Variants in LAMA1 observed in about 807,000 individuals in gnomAD.
LAMA1 encodes laminin subunit alpha 1.
In LAMA1, 219 loss-of-function variants were observed where a neutral mutation model predicts 348.7. The observed-to-expected ratio is 0.63, with a 90% CI of 0.56 to 0.70. The LOEUF (loss-of-function observed/expected upper bound fraction) is 0.70, where lower values mean the gene tolerates loss of function less well. Among genes scored for constraint, LAMA1 ranks in the 30% least tolerant of loss-of-function variants. LAMA1 has a pLI of 0.00. For synonymous variants in LAMA1, 1,487 were observed against 1,491.0 expected (o/e 1.00, Z 0.06); for missense variants, 3,744 against 3,888.0 (o/e 0.96, Z 0.99).
At chr18:6,945,911 C>T (rs1438765607) in intron 61 of LAMA1, among the ~76,000 whole-genome samples, 3 of 152,020 alleles carry the variant, frequency 2.0e-5, no homozygotes, top group African/African-American at 4.8e-5. Flanking sequence ...AAAGGGCCAT[C>T]GAGACTCCCT....
chr18:6,996,183 T>G (rs771444542), intron 33 of LAMA1, among the ~76,000 whole-genome samples: 1 of 152,150 alleles, frequency 6.6e-6, no homozygotes, highest in East Asian at 1.9e-4. Flanking sequence ...TTTGTGACGT[T>G]TGAGGAAAGT....
intron 12 of LAMA1, among the ~76,000 whole-genome samples, chr18:7,036,812 C>T (rs1196846475): frequency 6.6e-6 from 1 of 152,024 alleles, no homozygotes; most frequent in Non-Finnish European, 1.5e-5. Context: ...GCGTACCAAG[C>T]TACAAGACTA....
At chr18:7,108,990 T>C (rs2058325317) in intron 1 of LAMA1, among the ~76,000 whole-genome samples, 1 of 152,158 alleles carries the variant, frequency 6.6e-6, no homozygotes, top group Admixed American at 6.5e-5. Flanking sequence ...AAACAACTAT[T>C]TGAACCAGAA....
chr18:7,107,404 C>T (rs2058316694), intron 1 of LAMA1, among the ~76,000 whole-genome samples: 1 of 152,082 alleles, frequency 6.6e-6, no homozygotes, highest in Admixed American at 6.5e-5. Flanking sequence ...AGGCGTGAGC[C>T]ACCGCCCCCA....
At chr18:7,015,030 A>G (rs890180214) in intron 22 of LAMA1, among the ~76,000 whole-genome samples, 1 of 151,810 alleles carries the variant, frequency 6.6e-6, no homozygotes, top group Non-Finnish European at 1.5e-5. Context: ...TTGTATTTTT[A>G]GTAGAGACGG....
Position 7,013,963 on chromosome 18 carries a change from C to A in LAMA1, c.3215G>T (p.Arg1072Leu), listed in dbSNP as rs118089415. Residue 1072 changes from arginine to leucine, a missense_variant, in exon 23 of 63, where the codon CGG (arginine) becomes CTG (leucine). Arg to Leu is a moderately radical substitution (Grantham distance 102, BLOSUM62 -2). Transcript: ENST00000389658. ...HCQCKSKFGG[R>L]ACDQCSLGYR... ...ACCCAAGGAACACTGATCGCAGGCCCGGCCACCAAATTTTGACTTGCACTG... is the reference window on the plus strand; with the variant it reads ...ACCCAAGGAACACTGATCGCAGGCCAGGCCACCAAATTTTGACTTGCACTG... 471 of 1,613,852 alleles carry A rather than the reference C, an allele frequency of 2.9e-4. 8 individuals carry two copies. In the East Asian group the frequency reaches 9.2e-3, roughly 32 times the overall value.
chr18:6,984,628 G>A (rs1181976510), intron 39 of LAMA1, among the ~76,000 whole-genome samples: 1 of 152,174 alleles, frequency 6.6e-6, no homozygotes, highest in Non-Finnish European at 1.5e-5. Context: ...GAAACGGATG[G>A]CTAAAATTGT....
intron 14 of LAMA1, 34 bp from the exon 15 acceptor site, chr18:7,033,129 G>A (rs376339344): frequency 2.9e-5 from 41 of 1,415,240 alleles, no homozygotes; most frequent in Middle Eastern, 3.5e-4. Flanking sequence ...TGACTCACAC[G>A]CTCGCAAATA....
In LAMA1 at chr18:7,024,435, C is replaced by T. The variant is rs749202829; in HGVS notation, c.2434G>A (p.Asp812Asn). Residue 812 changes from aspartate to asparagine, a missense_variant, in exon 18 of 63, where the codon GAT (aspartate) becomes AAT (asparagine). Around this residue, in one of 3 missense-constraint regions of LAMA1, gnomAD observed 1,529 missense variants for 1,689.4 expected, o/e 0.91. Transcript: ENST00000389658. ...GCACACCAGTCACAGACCACTTCAT[C>T]TCCATCATTGAGGTGGCAGGTGGGG... is the stretch of plus-strand genomic sequence containing the variant. ...FSPTCHLNDGDEVVCDWCAPG... is the reference protein window; with the variant it reads ...FSPTCHLNDGNEVVCDWCAPG... The T allele has an allele frequency of 5.0e-6, 8 of 1,614,044 alleles. No homozygotes were observed. In the South Asian group the frequency reaches 7.7e-5, roughly 16 times the overall value.
At chr18:7,014,267 G>A (rs1172989330) in intron 22 of LAMA1, among the ~76,000 whole-genome samples, 3 of 152,148 alleles carry the variant, frequency 2.0e-5, no homozygotes, top group Non-Finnish European at 4.4e-5. Flanking sequence ...ACATGCGCAC[G>A]GGGCCAGAAT....
intron 26 of LAMA1, 78 bp downstream of exon 26, chr18:7,010,122 A>G: frequency 6.5e-7 from 1 of 1,531,910 alleles, no homozygotes; most frequent in East Asian, 2.3e-5. Flanking sequence ...TTCTCTTATT[A>G]ATGGCTTTCA....
At chr18:6,944,020 A>AT (rs922678038) in intron 61 of LAMA1, among the ~76,000 whole-genome samples, 20 of 151,692 alleles carry the variant, frequency 1.3e-4, no homozygotes, top group African/African-American at 4.8e-4. Context: ...TCATACTTTC[A>AT]TTTTTTTTCT....
chr18:7,065,686 C>T (rs112550253), intron 3 of LAMA1, among the ~76,000 whole-genome samples: 7,267 of 152,224 alleles, frequency 0.048, 581 homozygotes, highest in African/African-American at 0.17. Flanking sequence ...GAGATCGCAC[C>T]GTTGCACTCC....
rs771792724 is a variant in LAMA1 at position 6,966,275 on chromosome 18, A to C, written c.6922T>G (p.Phe2308Val). 6.2e-7 allele frequency: 1 copy of C among 1,613,804 alleles called. No individual in the cohort carries two copies. Among genetic ancestry groups the C allele is most frequent in the African/African-American group, 1.3e-5 (1 of 74,926 alleles). ...FGSSQNEDPS[F>V]HFDGSGYSVV... ...GAGTACCCACTCCCGTCAAAATGGA[A>C]GGAAGGGTCTTCATTCTGGGAGCTG... Residue 2308 changes from phenylalanine (F) to valine (V), a missense_variant, in exon 49 of 63, where the codon TTC (phenylalanine) becomes GTC (valine). Phe to Val is a conservative substitution (Grantham distance 50). Transcript: ENST00000389658.
chr18:7,093,743 G>C (rs2058249076), intron 1 of LAMA1, among the ~76,000 whole-genome samples: 1 of 150,368 alleles, frequency 6.7e-6, no homozygotes, highest in South Asian at 2.1e-4. Flanking sequence ...GCACAAGGTA[G>C]AGAGATAAGA....
At chr18:7,021,161 G>T (rs943164453) in intron 19 of LAMA1, among the ~76,000 whole-genome samples, 2 of 151,968 alleles carry the variant, frequency 1.3e-5, no homozygotes, top group Non-Finnish European at 2.9e-5. Context: ...CATCCTTCAG[G>T]TCTCAGATGA....
Position 6,955,380 on chromosome 18 carries a change from G to A in LAMA1, c.8180C>T (p.Pro2727Leu). 1.2e-6 allele frequency: 2 copies of A among 1,614,124 alleles called. No individual in the cohort carries two copies. Among genetic ancestry groups the A allele is most frequent in the Middle Eastern group, 1.6e-4 (1 of 6,062 alleles). ...GLTQNSHFIL[P>L]FNQSAVRKKL... is the part of the protein sequence containing the mutation. ...CTTTCTGACAGCCGACTGATTAAAAGGCAAGATGAAATGGCTGTTTTGTGT... is the reference window on the plus strand; with the variant it reads ...CTTTCTGACAGCCGACTGATTAAAAAGCAAGATGAAATGGCTGTTTTGTGT... Residue 2727 changes from proline (P) to leucine (L), a missense_variant, in exon 57 of 63, where the codon CCT (proline) becomes CTT (leucine). By Grantham distance (98) the Pro-to-Leu change is moderately conservative. Transcript: ENST00000389658.
chr18:7,076,770 T>C (rs1226012803), intron 3 of LAMA1: 1 of 152,112 alleles, frequency 6.6e-6, no homozygotes, highest in Non-Finnish European at 1.5e-5. Flanking sequence ...CCAAGGAGGC[T>C]GAAATGGTAT....
chr18:6,979,381 A>AC (rs2057697891), intron 42 of LAMA1, among the ~76,000 whole-genome samples: 1 of 152,052 alleles, frequency 6.6e-6, no homozygotes, highest in African/African-American at 2.4e-5. Flanking sequence ...TTAAGAAAAA[A>AC]AGGAGGACAG....
Sources: allele counts gnomAD v4.1 joint callset (sites outside exome capture counted in the v4.1 genomes callset), GRCh38; gene constraint gnomAD v4.1.1; regional missense constraint gnomAD v4.1.1; transcripts MANE v1.5; gene names NCBI Gene and HGNC (gene_info 2026-07-23, HGNC 2026-07-21).